PRKG1: variants seen among roughly 807,000 people sequenced by gnomAD.
PRKG1 encodes the protein protein kinase cGMP-dependent 1.
PRKG1 carries 35 observed loss-of-function variants against 88.1 expected under a neutral mutation model. That is an observed-to-expected ratio of 0.40 (90% CI 0.30 to 0.53). The LOEUF is 0.53. Ranked by LOEUF, PRKG1 falls within the 20% of genes least tolerant of loss-of-function variation. The pLI, the probability that PRKG1 is intolerant of heterozygous loss-of-function variation, is 0.59. For synonymous variants in PRKG1, 303 were observed against 292.5 expected (o/e 1.04, Z -0.37); for missense variants, 540 against 839.8 (o/e 0.64, Z 4.41).
chr10:51,247,385 G>C (rs1246817484), intron 2 of PRKG1, among the ~76,000 whole-genome samples: 1 of 151,900 alleles, frequency 6.6e-6, no homozygotes, highest in South Asian at 2.1e-4. Context: ...AGAAAATAAA[G>C]GAGATTAAAG....
At chr10:52,044,983 A>T (rs1430316128) in intron 5 of PRKG1, among the ~76,000 whole-genome samples, 1 of 152,178 alleles carries the variant, frequency 6.6e-6, no homozygotes, top group Non-Finnish European at 1.5e-5. Flanking sequence ...AGAGGCAGAC[A>T]TACAGCAATT....
chr10:52,027,711 A>G (rs55668776), intron 5 of PRKG1, among the ~76,000 whole-genome samples: 1,655 of 152,340 alleles, frequency 0.011, 32 homozygotes, highest in African/African-American at 0.038. Context: ...ATGGTTTAAT[A>G]TAAAGCAAAA....
chr10:51,647,864 G>A (rs893417757), intron 3 of PRKG1, among the ~76,000 whole-genome samples: 3 of 151,974 alleles, frequency 2.0e-5, no homozygotes, highest in African/African-American at 4.8e-5. Flanking sequence ...ATAATTATTT[G>A]CCATAATGAT....
At chr10:52,025,794 G>A (rs905230465) in intron 5 of PRKG1, among the ~76,000 whole-genome samples, 27 of 151,396 alleles carry the variant, frequency 1.8e-4, no homozygotes, top group African/African-American at 6.3e-4. Context: ...TTGGCAATGC[G>A]GGCTCTTTTT....
chr10:52,088,863 C>T (rs761626956), intron 7 of PRKG1, among the ~76,000 whole-genome samples: 1 of 152,148 alleles, frequency 6.6e-6, no homozygotes, highest in African/African-American at 2.4e-5. Context: ...CAAATACACG[C>T]TGTTGCACAC....
chr10:51,162,911 C>T (rs1846403170), intron 2 of PRKG1, among the ~76,000 whole-genome samples: 1 of 152,072 alleles, frequency 6.6e-6, no homozygotes, highest in Admixed American at 6.5e-5. Context: ...TAGAAATGGG[C>T]TCTCACTATG....
chr10:52,101,837 A>G (rs1847300486), intron 7 of PRKG1, among the ~76,000 whole-genome samples: 3 of 152,208 alleles, frequency 2.0e-5, no homozygotes, highest in African/African-American at 4.8e-5. Context: ...TCAATATATT[A>G]TCTTTTAGTT....
intron 3 of PRKG1, among the ~76,000 whole-genome samples, chr10:51,752,296 G>A (rs980211912): frequency 6.6e-6 from 1 of 152,044 alleles, no homozygotes. Context: ...TTGAAAACTT[G>A]CATGTTTCCT....
intron 9 of PRKG1, among the ~76,000 whole-genome samples, chr10:52,249,502 T>G (rs1841117955): frequency 6.6e-6 from 1 of 152,160 alleles, no homozygotes; most frequent in Admixed American, 6.5e-5. Context: ...GTAGCTGTAA[T>G]GTGCAACAAA....
At chr10:51,463,930 C>G (rs1030365382) in intron 2 of PRKG1, among the ~76,000 whole-genome samples, 1 of 152,138 alleles carries the variant, frequency 6.6e-6, no homozygotes, top group Admixed American at 6.5e-5. Flanking sequence ...AAAGTACAGA[C>G]ACTGTGTTTT....
chr10:51,102,114 A>G lies in PRKG1; in HGVS notation c.311+27213A>G, dbSNP rs138638647. 2.1e-3 allele frequency among the ~76,000 whole-genome samples: 315 copies of G among 152,350 alleles called. 1 individual carries two copies. The highest frequency in any genetic ancestry group is 7.3e-3 in the African/African-American group (302 of 41,590). ...TGCAGAGTTGGGAAGAGATGTGAGT[A>G]GCACACCTCGTGTAGTAGAAATACA... On this transcript the variant is annotated intron_variant, in intron 1 of 17. Transcript: ENST00000373980.
chr10:51,750,797 A>G (rs908545063), intron 3 of PRKG1, among the ~76,000 whole-genome samples: 2 of 152,230 alleles, frequency 1.3e-5, no homozygotes, highest in African/African-American at 4.8e-5. Context: ...TGGAAGAAAA[A>G]CTATATACGT....
At chr10:52,224,362 C>T (rs1301920212) in intron 9 of PRKG1, among the ~76,000 whole-genome samples, 1 of 152,062 alleles carries the variant, frequency 6.6e-6, no homozygotes, top group African/African-American at 2.4e-5. Flanking sequence ...TCAATTGGAC[C>T]TTCTCTAATC....
At chr10:52,092,530 G>A (rs181287955) in intron 7 of PRKG1, among the ~76,000 whole-genome samples, 84 of 152,192 alleles carry the variant, frequency 5.5e-4, no homozygotes, top group African/African-American at 1.8e-3. Flanking sequence ...ACATTTCTGA[G>A]TTGTAACCTT....
At chr10:51,742,606 A>G (rs1837463709) in intron 3 of PRKG1, among the ~76,000 whole-genome samples, 1 of 152,196 alleles carries the variant, frequency 6.6e-6, no homozygotes, top group Non-Finnish European at 1.5e-5. Context: ...GGAATCTGCA[A>G]GAAAAGGTAA....
intron 1 of PRKG1, among the ~76,000 whole-genome samples, chr10:51,080,352 A>G (rs1293352300): frequency 2.0e-5 from 3 of 152,218 alleles, no homozygotes; most frequent in Non-Finnish European, 4.4e-5. Context: ...GCTACTTGTT[A>G]TCTGGATTCC....
At chr10:51,167,536 T>C (rs1405653425) in intron 2 of PRKG1, among the ~76,000 whole-genome samples, 1 of 152,122 alleles carries the variant, frequency 6.6e-6, no homozygotes, top group African/African-American at 2.4e-5. Flanking sequence ...TGGATTCCAC[T>C]AATAATCTTG....
At chr10:51,232,451 C>T (rs913216751) in intron 2 of PRKG1, among the ~76,000 whole-genome samples, 5 of 152,122 alleles carry the variant, frequency 3.3e-5, no homozygotes, top group East Asian at 1.9e-4. Flanking sequence ...CAAAATGGGA[C>T]GCTTGATGGT....
chr10:52,229,681 C>G (rs1840477314), intron 9 of PRKG1, among the ~76,000 whole-genome samples: 1 of 152,110 alleles, frequency 6.6e-6, no homozygotes, highest in Admixed American at 6.6e-5. Flanking sequence ...CTGACTGTGG[C>G]TTAGAGCATA....
Sources: gnomAD v4.1 joint callset for allele counts (sites outside exome capture counted in the v4.1 genomes callset) on GRCh38, gnomAD v4.1.1 for gene constraint, MANE v1.5 for transcripts, NCBI Gene and HGNC (gene_info 2026-07-23, HGNC 2026-07-21) for gene names.